The following GNB5 variants were observed in gnomAD, a reference collection of about 807,000 sequenced individuals.
GNB5 encodes guanine nucleotide-binding protein subunit beta-5.
GNB5 carries 37 observed loss-of-function variants against 55.3 expected under a neutral mutation model. That is an observed-to-expected ratio of 0.67 (90% CI 0.51 to 0.88). GNB5 has a LOEUF of 0.88. GNB5 is among the 40% of genes least tolerant of loss of function. The pLI, the probability that GNB5 is intolerant of heterozygous loss-of-function variation, is 0.00. For synonymous variants in GNB5, 219 were observed against 198.5 expected, an observed-to-expected ratio of 1.10 and a Z score of -0.87; for missense variants, 476 against 515.3, an observed-to-expected ratio of 0.92 and a Z score of 0.74.
At chr15:52,187,510 A>G (rs775815019) in intron 1 of GNB5, among the ~76,000 whole-genome samples, 5 of 152,186 alleles carry the variant, frequency 3.3e-5, no homozygotes, top group African/African-American at 4.8e-5. Flanking sequence ...GAGGAATAGA[A>G]GGATGGCTGG....
Position 52,147,474 on chromosome 15 carries a change from C to T in GNB5, c.479G>A (p.Cys160Tyr). 6.2e-7 allele frequency: 1 copy of T among 1,601,166 alleles called. No individual in the cohort carries two copies. Among genetic ancestry groups the T allele is most frequent in the Non-Finnish European group, 8.6e-7 (1 of 1,168,126 alleles). The stretch of plus-strand genomic sequence containing the variant: ...TCCAACTTACCCACAAGCAATGGCA[C>T]ATCCCGATGGGGCATAAGCACATGC... Reference protein sequence around the residue: ...VMACAYAPSGCAIACGGLDNK... With the variant: ...VMACAYAPSGYAIACGGLDNK... Residue 160 changes from cysteine (C) to tyrosine (Y), a missense_variant, in exon 6 of 13, where the codon TGT becomes TAT. Coordinates refer to ENST00000261837, the MANE Select transcript of GNB5 (RefSeq NM_016194.4).
At chr15:52,136,959 T>A in intron 7 of GNB5, 1 of 453,214 alleles carries the variant, frequency 2.2e-6, no homozygotes, top group Non-Finnish European at 4.4e-6. Flanking sequence ...GAAAAGACTG[T>A]GAATCGATTA....
intron 3 of GNB5, among the ~76,000 whole-genome samples, chr15:52,166,594 T>A (rs1003839743): frequency 1.3e-5 from 2 of 152,138 alleles, no homozygotes; most frequent in Non-Finnish European, 2.9e-5. Flanking sequence ...CCTAGGTAAA[T>A]AATGAAATTA....
chr15:52,187,085 C>G (rs1262176808), intron 1 of GNB5, among the ~76,000 whole-genome samples: 1 of 152,166 alleles, frequency 6.6e-6, no homozygotes, highest in African/African-American at 2.4e-5. Flanking sequence ...TGAATACACA[C>G]TTTGGAACCC....
At chr15:52,159,096 C>G (rs1317605233) in intron 3 of GNB5, among the ~76,000 whole-genome samples, 1 of 152,264 alleles carries the variant, frequency 6.6e-6, no homozygotes, top group African/African-American at 2.4e-5. Context: ...AACAATAATA[C>G]TGATGTAAAA....
intron 3 of GNB5, among the ~76,000 whole-genome samples, chr15:52,157,535 C>T (rs978364160): frequency 3.3e-5 from 5 of 152,170 alleles, no homozygotes; most frequent in African/African-American, 1.2e-4. Context: ...TGAGCCACCG[C>T]GCCCAGCCAT....
intron 2 of GNB5, among the ~76,000 whole-genome samples, chr15:52,182,624 T>G (rs2034788275): frequency 6.6e-6 from 1 of 152,100 alleles, no homozygotes; most frequent in South Asian, 2.1e-4. Context: ...TCCACAGTGG[T>G]TGAGATAAAG....
intron 2 of GNB5, chr15:52,180,134 G>A (rs1383248843): frequency 9.9e-6 from 3 of 301,520 alleles, no homozygotes; most frequent in African/African-American, 4.4e-5. Flanking sequence ...GGAGTGTGAC[G>A]CCCATTTTAC....
chr15:52,126,475 C>T (rs913392981), intron 10 of GNB5, among the ~76,000 whole-genome samples: 21 of 152,140 alleles, frequency 1.4e-4, no homozygotes, highest in African/African-American at 4.6e-4. Context: ...ATGTGTGTAT[C>T]TGAATGGGTT....
At chr15:52,140,642 A>G (rs572883493) in intron 7 of GNB5, among the ~76,000 whole-genome samples, 37 of 152,372 alleles carry the variant, frequency 2.4e-4, no homozygotes, top group Admixed American at 2.2e-3. Context: ...ACCACTTGCT[A>G]AAGAAAACTT....
At chr15:52,166,912 A>C (rs1462673116) in intron 3 of GNB5, among the ~76,000 whole-genome samples, 2 of 152,162 alleles carry the variant, frequency 1.3e-5, no homozygotes, top group Non-Finnish European at 2.9e-5. Flanking sequence ...TTTTGAAAAA[A>C]TTAATAAAAT....
intron 11 of GNB5, chr15:52,125,707 T>A (rs2033405950): frequency 2.6e-6 from 1 of 388,686 alleles, no homozygotes; most frequent in African/African-American, 2.0e-5. Flanking sequence ...TTCATTGCCT[T>A]GAAGGACAGC....
intron 11 of GNB5, chr15:52,125,684 G>T (rs1177932860): frequency 3.1e-6 from 1 of 323,324 alleles, no homozygotes; most frequent in East Asian, 5.3e-5. Context: ...TTGTGGAAGT[G>T]AATTTCTGAC....
chr15:52,146,043 G>A lies in GNB5; in HGVS notation c.494+1416C>T, dbSNP rs539453253. Among the ~76,000 whole-genome samples the A allele has an allele frequency of 3.5e-5, 5 of 142,430 alleles. No individual in the cohort carries two copies. In the South Asian group the frequency reaches 9.2e-4, roughly 26 times the overall value. The allele number at this position is 142,430 out of a possible 152,430, so 93.4% of individuals were successfully genotyped here. A position where few individuals can be genotyped will look rare whatever the true frequency, so the allele number is the denominator to read the frequency against. On this transcript the variant is annotated intron_variant, in intron 6 of 12. Transcript: ENST00000261837. Reference sequence around the variant, plus strand: ...GCGATCTTGGCTCACTGCAAGCTCCGCCTCCTGGGTTCACGCCATTCTCCT... The same window carrying A: ...GCGATCTTGGCTCACTGCAAGCTCCACCTCCTGGGTTCACGCCATTCTCCT...
intron 6 of GNB5, among the ~76,000 whole-genome samples, chr15:52,142,200 T>C (rs1046729782): frequency 6.6e-5 from 10 of 152,230 alleles, no homozygotes; most frequent in African/African-American, 2.4e-4. Flanking sequence ...TTGGTTAAGG[T>C]GGACCACTAG....
At chr15:52,133,923 G>A (rs1255396108) in intron 8 of GNB5, among the ~76,000 whole-genome samples, 3 of 152,230 alleles carry the variant, frequency 2.0e-5, no homozygotes, top group Non-Finnish European at 2.9e-5. Flanking sequence ...GAGCAGCCGA[G>A]AGTCCCAGCT....
intron 3 of GNB5, among the ~76,000 whole-genome samples, chr15:52,176,964 C>T (rs921535573): frequency 6.6e-6 from 1 of 151,890 alleles, no homozygotes; most frequent in Non-Finnish European, 1.5e-5. Flanking sequence ...TGCCTCCTCA[C>T]TCTTCCTCAG....
chr15:52,137,816 G>A, intron 7 of GNB5: 1 of 1,276,376 alleles, frequency 7.8e-7, no homozygotes, highest in Non-Finnish European at 1.0e-6. Flanking sequence ...GAGGGGACCT[G>A]CAAGGGAGAA....
chr15:52,179,048 T>C (rs527379927), intron 3 of GNB5, among the ~76,000 whole-genome samples: 1 of 152,246 alleles, frequency 6.6e-6, no homozygotes, highest in Non-Finnish European at 1.5e-5. Context: ...GGCTATTTAA[T>C]CGCTCACTCA....
Sources: allele counts gnomAD v4.1 joint callset (sites outside exome capture counted in the v4.1 genomes callset), GRCh38; gene constraint gnomAD v4.1.1; transcripts MANE v1.5; gene names NCBI Gene and HGNC (gene_info 2026-07-23, HGNC 2026-07-21).